ANKH: variants seen among roughly 807,000 people sequenced by gnomAD.
ANKH encodes mineralization regulator ANKH.
Under a neutral mutation model 49.0 loss-of-function variants are expected in ANKH, and 15 were observed. The ratio of observed to expected loss-of-function variants is 0.31; its 90% CI spans 0.20 to 0.47. The LOEUF (loss-of-function observed/expected upper bound fraction) is 0.47. ANKH is among the 20% of genes least tolerant of loss of function. The pLI is 1.00. For missense variants in ANKH, 429 were observed against 652.0 expected, an observed-to-expected ratio of 0.66 and a Z score of 3.72; for synonymous variants, 273 against 260.0, an observed-to-expected ratio of 1.05 and a Z score of -0.48.
chr5:14,726,907 G>A (rs958125392), intron 8 of ANKH, among the ~76,000 whole-genome samples: 10 of 152,190 alleles, frequency 6.6e-5, no homozygotes, highest in African/African-American at 2.4e-4. Flanking sequence ...TCCTCAGAAG[G>A]GTGCAAAGCC....
rs1384993981 is a variant in ANKH at position 14,757,411 on chromosome 5, A to AATATAT, written c.432+1068_432+1069insATATAT. Among the ~76,000 whole-genome samples the AATATAT allele has an allele frequency of 6.0e-3, 580 of 96,138 alleles. 19 individuals are homozygous for AATATAT. The highest frequency in any genetic ancestry group is 0.023 in the African/African-American group (444 of 19,170). 63.1% of individuals were successfully genotyped at this position (96,138 alleles called of 152,430 possible). A position where few individuals can be genotyped will look rare whatever the true frequency, so the allele number is the denominator to read the frequency against. ...ACTTTCCAGCATTGGACCTTATTGG[A>AATATAT]ACATATATATATATATATATTTTTT... On this transcript the variant is annotated intron_variant, in intron 3 of 11. Coordinates refer to ENST00000284268, the MANE Select transcript of ANKH (RefSeq NM_054027.6).
intron 1 of ANKH, among the ~76,000 whole-genome samples, chr5:14,854,934 T>C (rs1156357367): frequency 1.3e-5 from 2 of 152,230 alleles, no homozygotes; most frequent in East Asian, 3.9e-4. Context: ...CCAAATTATC[T>C]TTCAAATCTG....
At chr5:14,830,148 C>T (rs1021667044) in intron 1 of ANKH, among the ~76,000 whole-genome samples, 12 of 152,156 alleles carry the variant, frequency 7.9e-5, no homozygotes, top group African/African-American at 2.9e-4. Context: ...TGGACGACTA[C>T]GAAGCAAGAA....
At position 14,711,099 on chromosome 5, in the gene ANKH, C is replaced by CAAA; in HGVS notation, c.*95_*97dup. ...GGCCTCTTTCATTACCAAAACAAAA[C>CAAA]AAAAAAAAGGGAACAAAATACGATG... On this transcript the variant is annotated 3_prime_UTR_variant, in exon 12 of 12. Coordinates refer to ENST00000284268, the MANE Select transcript of ANKH (RefSeq NM_054027.6). 1 of 1,135,526 alleles carries CAAA rather than the reference C, an allele frequency of 8.8e-7. No individual in the cohort carries two copies. Among genetic ancestry groups the CAAA allele is most frequent in the South Asian group, 1.2e-5 (1 of 81,628 alleles). 70.3% of individuals were successfully genotyped at this position (1,135,526 alleles called of 1,614,324 possible). A position where few individuals can be genotyped will look rare whatever the true frequency, so the allele number is the denominator to read the frequency against.
intron 1 of ANKH, among the ~76,000 whole-genome samples, chr5:14,826,947 TGA>T (rs1160772366): frequency 1.3e-5 from 2 of 152,182 alleles, no homozygotes; most frequent in East Asian, 3.9e-4. Context: ...GTGGGACTTT[TGA>T]GAGTGTGAGA....
At chr5:14,835,476 A>G (rs573487269) in intron 1 of ANKH, among the ~76,000 whole-genome samples, 8 of 152,276 alleles carry the variant, frequency 5.3e-5, no homozygotes, top group African/African-American at 1.9e-4. Flanking sequence ...CAGTGCGTTC[A>G]GTGGTGAAAA....
intron 1 of ANKH, among the ~76,000 whole-genome samples, chr5:14,792,099 G>C (rs1740186763): frequency 6.6e-6 from 1 of 152,162 alleles, no homozygotes; most frequent in African/African-American, 2.4e-5. Context: ...GGCTCTGAGG[G>C]GGTACAGGGA....
chr5:14,867,397 CTCAA>C (rs747349526), intron 1 of ANKH, among the ~76,000 whole-genome samples: 27 of 152,208 alleles, frequency 1.8e-4, no homozygotes, highest in Non-Finnish European at 2.9e-4. Flanking sequence ...ATACTAGGTG[CTCAA>C]TCAATGTACG....
chr5:14,713,124 T>G lies in ANKH; in HGVS notation c.1266-151A>C. ...CTGGCTTCGTAAGGGCCGCAGCTAA[T>G]AACCTAATGTGTGAGGGGAACCAGG... On this transcript the variant is annotated intron_variant, in intron 10 of 11. Transcript: ENST00000284268. This position sits in a 1 kb window ranked among gnomAD's most constrained non-coding sequence, Gnocchi z 4.4. 1 of 783,528 alleles carries G rather than the reference T, an allele frequency of 1.3e-6. No individual in the cohort carries two copies. The highest frequency in any genetic ancestry group is 2.1e-6 in the Non-Finnish European group (1 of 469,114). The allele number at this position is 783,528 out of a possible 1,614,324, so 48.5% of individuals were successfully genotyped here.
chr5:14,822,228 A>G (rs545471198), intron 1 of ANKH, among the ~76,000 whole-genome samples: 2 of 152,348 alleles, frequency 1.3e-5, no homozygotes, highest in East Asian at 1.9e-4. Context: ...AAAAGAAGGA[A>G]TATCTCAATA....
At chr5:14,715,359 G>C (rs1227480479) in intron 9 of ANKH, among the ~76,000 whole-genome samples, 2 of 152,138 alleles carry the variant, frequency 1.3e-5, no homozygotes, top group African/African-American at 2.4e-5. Context: ...TCGAACTCCT[G>C]ACCTCAGATG....
At chr5:14,807,113 C>CTTTTTTTTT (rs35180875) in intron 1 of ANKH, among the ~76,000 whole-genome samples, 1 of 127,720 alleles carries the variant, frequency 7.8e-6, no homozygotes, top group Non-Finnish European at 1.7e-5. Context: ...CATGATATTT[C>CTTTTTTTTT]TTTTTTTTTT....
At chr5:14,776,763 A>G (rs2126523447) in intron 1 of ANKH, among the ~76,000 whole-genome samples, 1 of 152,370 alleles carries the variant, frequency 6.6e-6, no homozygotes, top group East Asian at 1.9e-4. Flanking sequence ...GACATTCACC[A>G]GGGCAGAGGT....
intron 6 of ANKH, 54 bp downstream of exon 6, chr5:14,749,118 C>T (rs1465756183): frequency 1.2e-6 from 2 of 1,611,868 alleles, no homozygotes; most frequent in Non-Finnish European, 1.7e-6. Context: ...GTTTCAGCAC[C>T]CCCCTGCCCC....
intron 8 of ANKH, 46 bp from the exon 9 acceptor site, chr5:14,716,881 C>G: frequency 6.2e-7 from 1 of 1,608,942 alleles, no homozygotes; most frequent in African/African-American, 1.3e-5. Flanking sequence ...AAAGTGTAAG[C>G]AGGTGAAATG....
intron 1 of ANKH, among the ~76,000 whole-genome samples, chr5:14,811,561 A>C (rs1580087179): frequency 6.6e-6 from 1 of 152,258 alleles, no homozygotes; most frequent in Non-Finnish European, 1.5e-5. Context: ...CCCCAAGTAC[A>C]AACAACCTTG....
intron 1 of ANKH, among the ~76,000 whole-genome samples, chr5:14,788,484 T>C (rs1306906226): frequency 6.6e-6 from 1 of 152,234 alleles, no homozygotes; most frequent in Non-Finnish European, 1.5e-5. Flanking sequence ...GTGTACATTG[T>C]TCATGAAAGA....
chr5:14,781,573 T>G (rs568753974), intron 1 of ANKH, among the ~76,000 whole-genome samples: 13 of 152,342 alleles, frequency 8.5e-5, no homozygotes, highest in Non-Finnish European at 1.3e-4. Context: ...TATGACCTCT[T>G]AATATGAAAA....
chr5:14,842,971 C>G (rs527579395), intron 1 of ANKH, among the ~76,000 whole-genome samples: 3 of 152,314 alleles, frequency 2.0e-5, no homozygotes, highest in Admixed American at 6.5e-5. Context: ...TGTGTTCCCA[C>G]TGTGGTTCTG....
Sources: allele counts gnomAD v4.1 joint callset (sites outside exome capture counted in the v4.1 genomes callset), GRCh38; gene constraint gnomAD v4.1.1; non-coding constraint Gnocchi (gnomAD v3.1); transcripts MANE v1.5; gene names NCBI Gene and HGNC (gene_info 2026-07-23, HGNC 2026-07-21).